Variants in NIPAL2 observed in about 807,000 individuals in gnomAD.
NIPAL2 encodes NIPA-like protein 2.
A neutral mutation model predicts 48.9 loss-of-function variants in NIPAL2; 43 were observed. The observed-to-expected ratio is 0.88, with a 90% CI of 0.69 to 1.13. The LOEUF (loss-of-function observed/expected upper bound fraction) is 1.13. Among genes scored for constraint, NIPAL2 ranks in the 50% most tolerant of loss-of-function variants. The probability of loss-of-function intolerance (pLI) is 0.00; values close to 1 mark genes in which losing one functional copy is unlikely to be tolerated. For synonymous variants in NIPAL2, 167 were observed against 174.6 expected, an observed-to-expected ratio of 0.96 and a Z score of 0.34; for missense variants, 446 against 461.4, an observed-to-expected ratio of 0.97 and a Z score of 0.31.
intron 1 of NIPAL2, among the ~76,000 whole-genome samples, chr8:98,293,523 C>T (rs1447620680): frequency 6.6e-6 from 1 of 152,216 alleles, no homozygotes; most frequent in African/African-American, 2.4e-5. Flanking sequence ...ATACCAGGGA[C>T]ACACGCAGGG....
intron 5 of NIPAL2, among the ~76,000 whole-genome samples, chr8:98,221,293 A>G (rs1811857910): frequency 6.6e-6 from 1 of 150,792 alleles, no homozygotes; most frequent in Non-Finnish European, 1.5e-5. Flanking sequence ...ATTCTTTTAT[A>G]CATCTCTTGG....
chr8:98,193,323 A>G (rs754915558), intron 10 of NIPAL2: 1 of 1,571,954 alleles, frequency 6.4e-7, no homozygotes, highest in Non-Finnish European at 8.8e-7. Flanking sequence ...CACAGGATCT[A>G]CATGCTGGCC....
chr8:98,264,421 C>G (rs951610993), intron 1 of NIPAL2, among the ~76,000 whole-genome samples: 1 of 145,716 alleles, frequency 6.9e-6, no homozygotes, highest in Non-Finnish European at 1.5e-5. Context: ...TGATAAGCAA[C>G]TTCAGCAAAG....
intron 8 of NIPAL2, among the ~76,000 whole-genome samples, chr8:98,202,096 T>C (rs1465381752): frequency 6.6e-6 from 1 of 152,258 alleles, no homozygotes; most frequent in South Asian, 2.1e-4. Flanking sequence ...TTCAAATTTA[T>C]ACTTTTAGTT....
chr8:98,199,389 G>A (rs921227665), intron 8 of NIPAL2, among the ~76,000 whole-genome samples: 5 of 152,122 alleles, frequency 3.3e-5, no homozygotes, highest in African/African-American at 1.2e-4. Flanking sequence ...CTTAAGGGAA[G>A]GATTGTGGGA....
At chr8:98,250,899 C>G (rs900457060) in intron 3 of NIPAL2, among the ~76,000 whole-genome samples, 1 of 152,174 alleles carries the variant, frequency 6.6e-6, no homozygotes, top group African/African-American at 2.4e-5. Flanking sequence ...AAGGGTGCCA[C>G]TGCTGACCCT....
At chr8:98,200,141 T>A (rs1810734100) in intron 8 of NIPAL2, among the ~76,000 whole-genome samples, 1 of 152,148 alleles carries the variant, frequency 6.6e-6, no homozygotes, top group African/African-American at 2.4e-5. Context: ...TTAGAAACGT[T>A]GTAGTAAAAT....
chr8:98,271,123 G>A (rs1815098681), intron 1 of NIPAL2, among the ~76,000 whole-genome samples: 1 of 152,108 alleles, frequency 6.6e-6, no homozygotes, highest in Non-Finnish European at 1.5e-5. Flanking sequence ...TTGAAGTTGG[G>A]TAAGGTGATG....
chr8:98,255,823 A>G (rs1204551738), intron 1 of NIPAL2, among the ~76,000 whole-genome samples: 1 of 152,206 alleles, frequency 6.6e-6, no homozygotes, highest in Non-Finnish European at 1.5e-5. Context: ...AACATCTCCC[A>G]TAATTATAAA....
chr8:98,233,254 T>A (rs1812533260), intron 4 of NIPAL2, among the ~76,000 whole-genome samples: 1 of 150,996 alleles, frequency 6.6e-6, no homozygotes, highest in Non-Finnish European at 1.5e-5. Context: ...CGAGACTCCA[T>A]CTCAAAAGAA....
At chr8:98,245,523 T>G (rs1398231540) in intron 3 of NIPAL2, among the ~76,000 whole-genome samples, 1 of 152,222 alleles carries the variant, frequency 6.6e-6, no homozygotes, top group Non-Finnish European at 1.5e-5. Context: ...TCAGAGACAA[T>G]TTGCATAATT....
chr8:98,273,491 C>T (rs938525854), intron 1 of NIPAL2, among the ~76,000 whole-genome samples: 1 of 151,988 alleles, frequency 6.6e-6, no homozygotes, highest in African/African-American at 2.4e-5. Context: ...AGATTGTACA[C>T]TTTAAATGAG....
At chr8:98,258,231 G>A (rs1343593724) in intron 1 of NIPAL2, among the ~76,000 whole-genome samples, 1 of 152,188 alleles carries the variant, frequency 6.6e-6, no homozygotes, top group Non-Finnish European at 1.5e-5. Flanking sequence ...CAGAGTTGGG[G>A]GAGGGAAGAA....
At chr8:98,289,988 C>T (rs1239371759) in intron 1 of NIPAL2, among the ~76,000 whole-genome samples, 6 of 152,194 alleles carry the variant, frequency 3.9e-5, no homozygotes, top group African/African-American at 1.2e-4. Flanking sequence ...ATTTTCCCCT[C>T]GCATGGACTC....
At chr8:98,254,249 GT>G (rs1813752017) in intron 1 of NIPAL2, among the ~76,000 whole-genome samples, 162 bp from the exon 2 acceptor site, 1 of 152,148 alleles carries the variant, frequency 6.6e-6, no homozygotes, top group African/African-American at 2.4e-5. Flanking sequence ...ATTAGAATTA[GT>G]TTTTCACTTT....
At position 98,290,556 on chromosome 8, in the gene NIPAL2, G is replaced by A. The variant is rs569184173; in HGVS notation, c.135+3447C>T. Among the ~76,000 whole-genome samples, 4 of 152,146 alleles carry A rather than the reference G, an allele frequency of 2.6e-5. No individual in the cohort carries two copies. The South Asian group carries it at 8.3e-4, about 32-fold the overall frequency. ...CATGAGGGAAGCTGGAGATCTTTTGGTCCAACTTTAATTTTTACCAATAAG... is the reference window on the plus strand; with the variant it reads ...CATGAGGGAAGCTGGAGATCTTTTGATCCAACTTTAATTTTTACCAATAAG... On this transcript the variant is annotated intron_variant, in intron 1 of 10. Coordinates refer to ENST00000430223, the MANE Select transcript of NIPAL2 (RefSeq NM_001321635.2).
intron 4 of NIPAL2, among the ~76,000 whole-genome samples, chr8:98,226,451 G>A (rs1434891318): frequency 6.6e-6 from 1 of 152,172 alleles, no homozygotes; most frequent in East Asian, 1.9e-4. Flanking sequence ...GGCATTCCAA[G>A]CCCAGTAATG....
intron 5 of NIPAL2, among the ~76,000 whole-genome samples, chr8:98,220,727 C>T (rs181471791): frequency 8.7e-4 from 132 of 152,124 alleles, no homozygotes; most frequent in Admixed American, 6.7e-3. Context: ...TTATTGATTT[C>T]GCAACCATTT....
chr8:98,291,068 T>C (rs1816464496), intron 1 of NIPAL2, among the ~76,000 whole-genome samples: 1 of 152,200 alleles, frequency 6.6e-6, no homozygotes, highest in Admixed American at 6.5e-5. Context: ...ATTTAAATTT[T>C]TTTAAATTTA....
Sources: allele counts gnomAD v4.1 joint callset (sites outside exome capture counted in the v4.1 genomes callset), GRCh38; gene constraint gnomAD v4.1.1; transcripts MANE v1.5; gene names NCBI Gene and HGNC (gene_info 2026-07-23, HGNC 2026-07-21).